Variants in GPHN observed in about 807,000 individuals in gnomAD.
GPHN encodes the protein gephyrin.
In GPHN, 17 loss-of-function variants were observed where a neutral mutation model predicts 95.5. The observed-to-expected ratio is 0.18, with a 90% CI of 0.12 to 0.27. The LOEUF (loss-of-function observed/expected upper bound fraction) is 0.27, where lower values mean the gene tolerates loss of function less well. Ranked by LOEUF, GPHN falls within the 10% of genes least tolerant of loss-of-function variation. The probability of loss-of-function intolerance (pLI) is 1.00; values close to 1 mark genes in which losing one functional copy is unlikely to be tolerated. For synonymous variants in GPHN, 320 were observed against 322.5 expected (o/e 0.99, Z 0.08); for missense variants, 660 against 978.1 (o/e 0.67, Z 4.34).
chr14:66,634,308 T>C (rs1470267520), intron 1 of GPHN, among the ~76,000 whole-genome samples: 1 of 152,084 alleles, frequency 6.6e-6, no homozygotes, highest in Admixed American at 6.6e-5. Context: ...TTGGGTAGAA[T>C]GTTTTCGCAT....
rs571950533 is a variant in GPHN, at chr14:67,038,702, G to A, written c.1006+15027G>A. On this transcript the variant is annotated intron_variant, in intron 10 of 22. Transcript: ENST00000478722. ...CAGATTCTCCTTGCTGTTGTGTACT[G>A]GAATCACCCTTTGATGTCCTGCTGG... Among the ~76,000 whole-genome samples the A allele has an allele frequency of 1.1e-3, 167 of 152,140 alleles. 1 individual carries two copies. The highest frequency in any genetic ancestry group is 3.9e-3 in the African/African-American group (163 of 41,530).
the GPHN span, among the ~76,000 whole-genome samples, chr14:67,465,830 C>A: frequency 6.6e-6 from 1 of 152,168 alleles, no homozygotes. Flanking sequence ...GTGGGCCCTA[C>A]ATGCAATGGT....
intron 4 of GPHN, among the ~76,000 whole-genome samples, chr14:66,860,635 A>G (rs1226578243): frequency 6.6e-6 from 1 of 151,916 alleles, no homozygotes; most frequent in Non-Finnish European, 1.5e-5. Flanking sequence ...CTCTTATCTC[A>G]AGCAGAAAGA....
At chr14:67,446,709 T>G in the GPHN span, among the ~76,000 whole-genome samples, 1 of 152,092 alleles carries the variant, frequency 6.6e-6, no homozygotes, top group South Asian at 2.1e-4. Context: ...GGTGACAGAA[T>G]CAGGATTCAA....
chr14:67,393,034 C>G, the GPHN span: 123 of 934,328 alleles, frequency 1.3e-4, 3 homozygotes, highest in South Asian at 1.0e-3. Context: ...CTCAGGCTAG[C>G]CTGTTGCCCA....
At chr14:67,576,059 T>C in the GPHN span, 2 of 1,371,902 alleles carry the variant, frequency 1.5e-6, no homozygotes, top group Admixed American at 4.3e-5. This position sits in a 1 kb window ranked among gnomAD's most constrained non-coding sequence, Gnocchi z 4.0. Flanking sequence ...GATTCTGATC[T>C]TCCCTTCTCT....
chr14:66,992,666 G>T (rs867086377), intron 9 of GPHN, among the ~76,000 whole-genome samples: 2 of 152,042 alleles, frequency 1.3e-5, no homozygotes, highest in African/African-American at 4.8e-5. Flanking sequence ...GTCTTTAGGG[G>T]GGTTTTGTAC....
At chr14:67,273,170 G>A in the GPHN span, among the ~76,000 whole-genome samples, 2 of 151,112 alleles carry the variant, frequency 1.3e-5, no homozygotes, top group Non-Finnish European at 2.9e-5. Context: ...ACAACGTGCA[G>A]GTTTCTTACA....
At chr14:67,081,187 C>G (rs550544254) in intron 11 of GPHN, among the ~76,000 whole-genome samples, 4 of 152,316 alleles carry the variant, frequency 2.6e-5, no homozygotes, top group African/African-American at 9.6e-5. Context: ...AATCTCCACA[C>G]TGTTTGCCAT....
chr14:66,565,791 A>G (rs909973781), intron 1 of GPHN, among the ~76,000 whole-genome samples: 1 of 152,190 alleles, frequency 6.6e-6, no homozygotes, highest in Non-Finnish European at 1.5e-5. Flanking sequence ...ACTAACAGAT[A>G]TTAACTTACT....
chr14:66,652,721 C>T (rs1015893792), intron 1 of GPHN, among the ~76,000 whole-genome samples: 29 of 151,976 alleles, frequency 1.9e-4, no homozygotes, highest in Non-Finnish European at 3.7e-4. Context: ...TTCGGTGGGG[C>T]AATTGTGGTC....
At chr14:67,076,767 T>A (rs1199776842) in intron 11 of GPHN, among the ~76,000 whole-genome samples, 2 of 152,134 alleles carry the variant, frequency 1.3e-5, no homozygotes, top group African/African-American at 4.8e-5. Context: ...AGCAGATGGA[T>A]TTATGTCCAC....
At chr14:67,107,720 A>G (rs1289827588) in intron 13 of GPHN, among the ~76,000 whole-genome samples, 1 of 152,172 alleles carries the variant, frequency 6.6e-6, no homozygotes, top group East Asian at 1.9e-4. Context: ...GATACCTTAG[A>G]ATGGCAGAGC....
chr14:66,898,209 T>C (rs182804637), intron 5 of GPHN, among the ~76,000 whole-genome samples: 9 of 152,110 alleles, frequency 5.9e-5, no homozygotes, highest in African/African-American at 2.2e-4. Flanking sequence ...TTAATTTCCA[T>C]GAGGTCCAAT....
the GPHN span, among the ~76,000 whole-genome samples, chr14:67,430,350 G>C: frequency 6.6e-6 from 1 of 152,200 alleles, no homozygotes; most frequent in African/African-American, 2.4e-5. Flanking sequence ...AAGTTAGGAA[G>C]GATCCAGGCC....
intron 1 of GPHN, among the ~76,000 whole-genome samples, chr14:66,621,237 A>G (rs1425111310): frequency 6.6e-6 from 1 of 150,386 alleles, no homozygotes; most frequent in African/African-American, 2.5e-5. Context: ...GGCCTCCCAA[A>G]GTGCTGGGAT....
At chr14:66,778,904 T>A (rs2059499771) in intron 3 of GPHN, among the ~76,000 whole-genome samples, 1 of 150,714 alleles carries the variant, frequency 6.6e-6, no homozygotes, top group Non-Finnish European at 1.5e-5. Context: ...CCCAGCTAAT[T>A]TTTTTTTTAA....
chr14:67,382,671 C>T, the GPHN span: 1 of 1,504,950 alleles, frequency 6.6e-7, no homozygotes, highest in Non-Finnish European at 9.2e-7. Context: ...GAGCTGTCGG[C>T]CTTGGAATGT....
At chr14:67,119,115 A>G (rs1193524186) in intron 16 of GPHN, among the ~76,000 whole-genome samples, 1 of 152,228 alleles carries the variant, frequency 6.6e-6, no homozygotes, top group Non-Finnish European at 1.5e-5. Context: ...TTCAGAGCAT[A>G]TGAATCCATG....
Sources: gnomAD v4.1 joint callset for allele counts (sites outside exome capture counted in the v4.1 genomes callset) on GRCh38, gnomAD v4.1.1 for gene constraint, Gnocchi (gnomAD v3.1) non-coding constraint, MANE v1.5 for transcripts, NCBI Gene and HGNC (gene_info 2026-07-23, HGNC 2026-07-21) for gene names.